Variants in ABLIM1 observed in about 807,000 individuals in gnomAD.
The protein encoded by ABLIM1 is actin-binding LIM protein 1.
A neutral mutation model predicts 107.0 loss-of-function variants in ABLIM1; 40 were observed. The observed-to-expected ratio is 0.37, with a 90% CI of 0.29 to 0.49. ABLIM1 has a LOEUF of 0.49. ABLIM1 is among the 20% of genes least tolerant of loss of function. The pLI, the probability that ABLIM1 is intolerant of heterozygous loss-of-function variation, is 0.97. For missense variants in ABLIM1, 857 were observed against 1,008.5 expected (o/e 0.85, Z 2.04); for synonymous variants, 357 against 357.3 (o/e 1.00, Z 0.01).
At chr10:114,553,942 C>T (rs1028058982) in intron 4 of ABLIM1, among the ~76,000 whole-genome samples, 26 of 152,172 alleles carry the variant, frequency 1.7e-4, no homozygotes, top group Non-Finnish European at 2.9e-4. Context: ...ACCCACACCC[C>T]AGCATCTTGA....
intron 2 of ABLIM1, among the ~76,000 whole-genome samples, chr10:114,601,101 C>T (rs1406080216): frequency 8.8e-6 from 1 of 114,108 alleles, no homozygotes; most frequent in African/African-American, 3.3e-5. Context: ...CACACACACA[C>T]ACACAGAAGC....
At chr10:114,570,533 A>C (rs1470808048) in intron 4 of ABLIM1, among the ~76,000 whole-genome samples, 1 of 148,578 alleles carries the variant, frequency 6.7e-6, no homozygotes, top group African/African-American at 2.5e-5. Flanking sequence ...TTTTTTTCAC[A>C]TATTAGATAT....
At chr10:114,726,487 G>A (rs2081962240) in intron 1 of ABLIM1, among the ~76,000 whole-genome samples, 1 of 151,974 alleles carries the variant, frequency 6.6e-6, no homozygotes, top group Non-Finnish European at 1.5e-5. Flanking sequence ...AAGGGAGACT[G>A]GGGGGAGATT....
chr10:114,661,087 C>T (rs955782795), upstream of ABLIM1, among the ~76,000 whole-genome samples: 2 of 152,122 alleles, frequency 1.3e-5, no homozygotes, highest in African/African-American at 4.8e-5. Context: ...CAAGATGCAA[C>T]TGTCTTCTAA....
intron 2 of ABLIM1, among the ~76,000 whole-genome samples, chr10:114,583,442 CACACACACACACACACACACACACACAT>C (rs2073709131): frequency 1.2e-4 from 4 of 33,186 alleles, no homozygotes; most frequent in Admixed American, 4.4e-4. Context: ...CACACACACA[CACACACACACACACACACACACACACAT>C]ATATATATAT....
chr10:114,456,191 G>T (rs1169225690), intron 12 of ABLIM1, among the ~76,000 whole-genome samples: 3 of 152,176 alleles, frequency 2.0e-5, no homozygotes, highest in Non-Finnish European at 4.4e-5. Context: ...GAACACTGAT[G>T]AGGGGAAAAA....
chr10:114,774,621 G>A, the ABLIM1 span, among the ~76,000 whole-genome samples: 2 of 152,150 alleles, frequency 1.3e-5, no homozygotes, highest in Admixed American at 1.3e-4. Flanking sequence ...TCCTACAACT[G>A]AGAAAAAAGT....
At chr10:114,784,163 T>C in the ABLIM1 span, among the ~76,000 whole-genome samples, 1 of 150,444 alleles carries the variant, frequency 6.6e-6, no homozygotes, top group African/African-American at 2.5e-5. Flanking sequence ...CTGGCCAACA[T>C]GGCAAAACCC....
At chr10:114,493,446 G>T (rs375429263) in intron 6 of ABLIM1, among the ~76,000 whole-genome samples, 3 of 152,170 alleles carry the variant, frequency 2.0e-5, no homozygotes, top group Non-Finnish European at 4.4e-5. Flanking sequence ...ATTTAGTGGT[G>T]AAACGTTCGA....
chr10:114,448,110 T>C (rs1409398170), intron 14 of ABLIM1, 90 bp from the exon 15 acceptor site: 2 of 1,539,270 alleles, frequency 1.3e-6, no homozygotes, highest in Non-Finnish European at 1.8e-6. Context: ...TCTTGTTCTC[T>C]GGCAAAAGTT....
At chr10:114,642,756 C>A (rs2497691) in intron 1 of ABLIM1, among the ~76,000 whole-genome samples, 2,904 of 152,218 alleles carry the variant, frequency 0.019, 84 homozygotes, top group African/African-American at 0.066. Context: ...ACTAAGGCTT[C>A]GAACTCCAAA....
intron 4 of ABLIM1, among the ~76,000 whole-genome samples, chr10:114,561,854 C>G (rs1237703363): frequency 6.6e-6 from 1 of 152,150 alleles, no homozygotes; most frequent in African/African-American, 2.4e-5. Flanking sequence ...TGAGTTGCAC[C>G]CATTCCCTAT....
At position 114,434,824 on chromosome 10, in the gene ABLIM1, C is replaced by G. The variant is rs2059212630; in HGVS notation, c.*1436G>C. The G allele has an allele frequency of 6.6e-6, 1 of 152,176 alleles. No homozygotes were observed. The highest frequency in any genetic ancestry group is 2.4e-5 in the African/African-American group (1 of 41,428). 9.4% of individuals were successfully genotyped at this position (152,176 alleles called of 1,614,324 possible). On this transcript the variant is annotated 3_prime_UTR_variant, in exon 23 of 23. Transcript: ENST00000533213. ...CTAGTGTTGCAGAGCCTGAGGGACT[C>G]TCGTGAGATGCTCTGACCTCCACAT...
chr10:114,486,903 A>G (rs1228301608), intron 8 of ABLIM1, among the ~76,000 whole-genome samples: 1 of 152,230 alleles, frequency 6.6e-6, no homozygotes, highest in Non-Finnish European at 1.5e-5. Context: ...TCTCCTGTGC[A>G]TACGTGTGGT....
chr10:114,470,525 CA>C (rs2066298419), intron 10 of ABLIM1, among the ~76,000 whole-genome samples: 4 of 151,798 alleles, frequency 2.6e-5, no homozygotes, highest in Admixed American at 1.3e-4. Context: ...AAATTTCTCT[CA>C]GTTGCAAGAT....
At chr10:114,718,770 T>C (rs2081766234) in intron 1 of ABLIM1, among the ~76,000 whole-genome samples, 1 of 152,238 alleles carries the variant, frequency 6.6e-6, no homozygotes, top group African/African-American at 2.4e-5. Flanking sequence ...TGGCTTCGTA[T>C]CACTCAATAT....
intron 1 of ABLIM1, among the ~76,000 whole-genome samples, chr10:114,663,698 C>T (rs1026435933): frequency 2.0e-5 from 3 of 152,352 alleles, no homozygotes; most frequent in African/African-American, 7.2e-5. Flanking sequence ...GTGGCAGGCA[C>T]ATGCCCGAGA....
the ABLIM1 span, among the ~76,000 whole-genome samples, chr10:114,780,969 G>A: frequency 6.6e-6 from 1 of 152,122 alleles, no homozygotes; most frequent in East Asian, 1.9e-4. Context: ...TTGCCTGGAG[G>A]GGGCTCCTTG....
At chr10:114,462,610 T>C (rs548014771) in intron 12 of ABLIM1, among the ~76,000 whole-genome samples, 2 of 152,316 alleles carry the variant, frequency 1.3e-5, no homozygotes, top group African/African-American at 2.4e-5. Context: ...AATATGGTCA[T>C]GGTTTATCAC....
Sources: allele counts gnomAD v4.1 joint callset (sites outside exome capture counted in the v4.1 genomes callset), GRCh38; gene constraint gnomAD v4.1.1; transcripts MANE v1.5; gene names NCBI Gene and HGNC (gene_info 2026-07-23, HGNC 2026-07-21).